Variants in SLC33A1 observed in about 807,000 individuals in gnomAD.
The protein encoded by SLC33A1 is acetyl-coenzyme A transporter 1.
Under a neutral mutation model 50.0 loss-of-function variants are expected in SLC33A1, and 20 were observed. The ratio of observed to expected loss-of-function variants is 0.40; its 90% CI spans 0.28 to 0.58. The LOEUF is 0.58. Among genes scored for constraint, SLC33A1 ranks in the 20% least tolerant of loss-of-function variants. The pLI is 0.44. For synonymous variants in SLC33A1, 265 were observed against 251.8 expected (o/e 1.05, Z -0.50); for missense variants, 476 against 657.0 (o/e 0.72, Z 3.01).
At chr3:155,835,919 T>C (rs1752635139) in intron 2 of SLC33A1, among the ~76,000 whole-genome samples, 1 of 152,186 alleles carries the variant, frequency 6.6e-6, no homozygotes, top group East Asian at 1.9e-4. Flanking sequence ...TCTGTGGCTG[T>C]GAGACAGCAA....
rs1753468424 is a variant in SLC33A1, at chr3:155,853,141, A to G, written c.775+82T>C. On this transcript the variant is annotated intron_variant, in intron 1 of 5. Coordinates refer to ENST00000643144, the MANE Select transcript of SLC33A1 (RefSeq NM_004733.4). The stretch of plus-strand genomic sequence containing the variant: ...ATCTCCCATACAATGATTTCCAGTA[A>G]ATTAATGAGCTTCCCTCCAACGTCA... 4.7e-6 allele frequency: 6 copies of G among 1,270,634 alleles called. No individual in the cohort carries two copies. In the East Asian group the frequency reaches 1.4e-4, roughly 29 times the overall value. The allele number at this position is 1,270,634 out of a possible 1,614,324, so 78.7% of individuals were successfully genotyped here.
At chr3:155,845,573 C>T (rs568727556) in intron 1 of SLC33A1, among the ~76,000 whole-genome samples, 1 of 152,258 alleles carries the variant, frequency 6.6e-6, no homozygotes, top group African/African-American at 2.4e-5. Context: ...AGTCACAAAG[C>T]CCTAATTCAA....
intron 2 of SLC33A1, among the ~76,000 whole-genome samples, chr3:155,838,406 C>T (rs1170346064): frequency 6.6e-6 from 1 of 150,664 alleles, no homozygotes; most frequent in South Asian, 2.1e-4. Flanking sequence ...GTGGGTCAGG[C>T]GTGGTGGCTC....
chr3:155,840,983 CAA>C (rs1168031341), intron 2 of SLC33A1, among the ~76,000 whole-genome samples: 5 of 147,440 alleles, frequency 3.4e-5, no homozygotes, highest in African/African-American at 1.0e-4. Flanking sequence ...GACTTTGTCT[CAA>C]AAAAAATATA....
chr3:155,852,559 T>C (rs757728529), intron 1 of SLC33A1, among the ~76,000 whole-genome samples: 7 of 152,212 alleles, frequency 4.6e-5, no homozygotes, highest in Non-Finnish European at 1.0e-4. Flanking sequence ...TCAGTGCACT[T>C]TTACTTTGTG....
At chr3:155,831,888 G>C (rs572431915) in intron 4 of SLC33A1, among the ~76,000 whole-genome samples, 11 of 152,148 alleles carry the variant, frequency 7.2e-5, no homozygotes, top group Non-Finnish European at 1.6e-4. Context: ...AAACTACTGA[G>C]ATTACCTGGT....
At chr3:155,845,543 G>A (rs1753135837) in intron 1 of SLC33A1, among the ~76,000 whole-genome samples, 1 of 152,134 alleles carries the variant, frequency 6.6e-6, no homozygotes, top group African/African-American at 2.4e-5. Context: ...ATAAAAAGAA[G>A]GAAGTAGTGA....
At chr3:155,836,301 AAAAAAAAAAAAAG>A (rs1282412951) in intron 2 of SLC33A1, among the ~76,000 whole-genome samples, 62 of 145,654 alleles carry the variant, frequency 4.3e-4, no homozygotes, top group Non-Finnish European at 8.1e-4. Context: ...AAAAAAAAAA[AAAAAAAAAAAAAG>A]GAAAGAAAGA....
intron 2 of SLC33A1, among the ~76,000 whole-genome samples, chr3:155,836,116 T>A (rs1374204235): frequency 2.7e-5 from 4 of 150,846 alleles, no homozygotes; most frequent in African/African-American, 9.8e-5. Context: ...AAACCCCATC[T>A]CCACTAAAAA....
chr3:155,833,798 T>C, intron 3 of SLC33A1, 59 bp downstream of exon 3: 1 of 1,277,638 alleles, frequency 7.8e-7, no homozygotes, highest in African/African-American at 1.5e-5. Flanking sequence ...ATTAGTGGTA[T>C]TGATGAATGT....
chr3:155,830,500 T>C (rs1273738681), intron 4 of SLC33A1, among the ~76,000 whole-genome samples: 1 of 152,092 alleles, frequency 6.6e-6, no homozygotes, highest in Non-Finnish European at 1.5e-5. Flanking sequence ...TAAATAATTA[T>C]AAATACAGGA....
At position 155,853,761 on chromosome 3, in the gene SLC33A1, G is replaced by C. The variant is rs1323687264; in HGVS notation, c.237C>G (p.Leu79=). ...RAELSSILLL[L]FLYVLQGIPL... ...GAATACCCTGAAGCACGTAAAGAAA[G>C]AGTAGTAGCAAAATGCTGCTTAGTT... is the stretch of plus-strand genomic sequence containing the variant. Residue 79 remains leucine (L), a synonymous_variant, in exon 1 of 6, where the codon CTC becomes CTG. Transcript: ENST00000643144. 11 of 1,613,902 alleles carry C rather than the reference G, an allele frequency of 6.8e-6. No individual in the cohort carries two copies. The highest frequency in any genetic ancestry group is 8.5e-6 in the Non-Finnish European group (10 of 1,180,030).
At chr3:155,830,618 A>C (rs1752389543) in intron 4 of SLC33A1, among the ~76,000 whole-genome samples, 1 of 152,088 alleles carries the variant, frequency 6.6e-6, no homozygotes, top group Middle Eastern at 3.2e-3. Context: ...AAAATGTTAG[A>C]TGAGGTGGCA....
chr3:155,849,781 G>A (rs778122602), intron 1 of SLC33A1, among the ~76,000 whole-genome samples: 73 of 151,140 alleles, frequency 4.8e-4, no homozygotes, highest in Non-Finnish European at 8.3e-4. Flanking sequence ...GGTGGCACAC[G>A]CTTATAATCC....
chr3:155,834,148 C>T, intron 2 of SLC33A1, 107 bp from the exon 3 acceptor site: 1 of 786,188 alleles, frequency 1.3e-6, no homozygotes, highest in Non-Finnish European at 2.2e-6. Context: ...TGACCCATGA[C>T]AGTTACAAGT....
At chr3:155,849,753 C>T (rs185992714) in intron 1 of SLC33A1, among the ~76,000 whole-genome samples, 27 of 151,346 alleles carry the variant, frequency 1.8e-4, no homozygotes, top group African/African-American at 6.0e-4. Context: ...ACCAAAAATA[C>T]AAAAATTAGC....
chr3:155,853,077 G>C (rs1753465372), intron 1 of SLC33A1, 146 bp downstream of exon 1: 1 of 709,332 alleles, frequency 1.4e-6, no homozygotes, highest in Non-Finnish European at 2.4e-6. Flanking sequence ...ATATTTCAAA[G>C]AAGCTCATTT....
intron 1 of SLC33A1, among the ~76,000 whole-genome samples, chr3:155,848,622 C>T (rs1464154810): frequency 2.0e-5 from 3 of 152,126 alleles, no homozygotes; most frequent in African/African-American, 7.2e-5. Context: ...GTGGAGCTTG[C>T]AGTGAGCAGA....
chr3:155,854,410 G>A lies in SLC33A1; in HGVS notation c.-413C>T, dbSNP rs761959439. The A allele has an allele frequency of 1.8e-5, 3 of 166,878 alleles. No individual in the cohort carries two copies. The highest frequency in any genetic ancestry group is 3.9e-5 in the Non-Finnish European group (3 of 77,904). 10.3% of individuals were successfully genotyped at this position (166,878 alleles called of 1,614,324 possible). A position where few individuals can be genotyped will look rare whatever the true frequency, so the allele number is the denominator to read the frequency against. On this transcript the variant is annotated 5_prime_UTR_variant, in exon 1 of 6. Coordinates refer to ENST00000643144, the MANE Select transcript of SLC33A1 (RefSeq NM_004733.4). ...TGCGGCAGAGAGCACTTTCTCTACA[G>A]GACTCCAGAAAAAGCATATAACTTC...
Sources: gnomAD v4.1 joint callset for allele counts (sites outside exome capture counted in the v4.1 genomes callset) on GRCh38, gnomAD v4.1.1 for gene constraint, MANE v1.5 for transcripts, NCBI Gene and HGNC (gene_info 2026-07-23, HGNC 2026-07-21) for gene names.